Variants in RBFOX1 observed in about 807,000 individuals in gnomAD.
RBFOX1 encodes the protein RNA binding protein fox-1 homolog 1.
Under a neutral mutation model 57.7 loss-of-function variants are expected in RBFOX1, and 8 were observed. The ratio of observed to expected loss-of-function variants is 0.14; its 90% CI spans 0.08 to 0.25. The LOEUF (loss-of-function observed/expected upper bound fraction) is 0.25, where lower values mean the gene tolerates loss of function less well. Among genes scored for constraint, RBFOX1 ranks in the 10% least tolerant of loss-of-function variants. The pLI is 1.00. For synonymous variants in RBFOX1, 326 were observed against 222.4 expected (o/e 1.47, Z -4.15); for missense variants, 611 against 548.5 (o/e 1.11, Z -1.14).
At chr16:7,474,444 A>G (rs1207814499) in intron 4 of RBFOX1, among the ~76,000 whole-genome samples, 3 of 151,984 alleles carry the variant, frequency 2.0e-5, no homozygotes, top group Admixed American at 6.5e-5. Flanking sequence ...TTTTACAATT[A>G]AGGATAACAT....
At chr16:6,280,959 GTGTGTGTGTATGTGTGTGTATATATA>G (rs1338526794) in intron 1 of RBFOX1, among the ~76,000 whole-genome samples, 61 of 149,856 alleles carry the variant, frequency 4.1e-4, no homozygotes, top group African/African-American at 1.5e-3. Context: ...ACATATGTGT[GTGTGTGTGTATGTGTGTGTATATATA>G]TGTGTGTGTG....
chr16:6,401,761 A>T (rs2093078278), intron 2 of RBFOX1, among the ~76,000 whole-genome samples: 1 of 152,156 alleles, frequency 6.6e-6, no homozygotes. Context: ...TGTTCATGGA[A>T]AACATTAAAT....
intron 2 of RBFOX1, among the ~76,000 whole-genome samples, chr16:6,634,382 C>T (rs1602139928): frequency 6.6e-6 from 1 of 151,946 alleles, no homozygotes. Context: ...GGGCAAAAAA[C>T]CAAACCTCCG....
chr16:5,893,741 G>C (rs1455636628), intron 4 of RBFOX1, among the ~76,000 whole-genome samples: 1 of 151,974 alleles, frequency 6.6e-6, no homozygotes. Context: ...AGGAAGCAGA[G>C]GTTGCAGTGA....
At chr16:6,944,204 G>A (rs190787287) in intron 3 of RBFOX1, among the ~76,000 whole-genome samples, 1 of 151,926 alleles carries the variant, frequency 6.6e-6, no homozygotes, top group African/African-American at 2.4e-5. Flanking sequence ...AGATCAGCCT[G>A]CCCAACACAG....
At position 6,035,750 on chromosome 16, in the gene RBFOX1, T is replaced by C. The variant is rs1596554725; in HGVS notation, c.-127+15758T>C. On this transcript the variant is annotated intron_variant, in intron 1 of 15. Coordinates refer to ENST00000550418, the MANE Select transcript of RBFOX1 (RefSeq NM_018723.4). Reference sequence around the variant, plus strand: ...TCTCTAGGCATAGACTGTCAACCAATTGGAATTACTATGTGAAATGAAATG... The same window carrying C: ...TCTCTAGGCATAGACTGTCAACCAACTGGAATTACTATGTGAAATGAAATG... 1.3e-5 allele frequency among the ~76,000 whole-genome samples: 2 copies of C among 152,152 alleles called. 1 individual carries two copies. The highest frequency in any genetic ancestry group is 4.2e-4 in the South Asian group (2 of 4,818).
intron 2 of RBFOX1, among the ~76,000 whole-genome samples, chr16:6,494,247 G>T (rs1400272638): frequency 6.6e-6 from 1 of 152,118 alleles, no homozygotes; most frequent in Non-Finnish European, 1.5e-5. Flanking sequence ...GCACGTATTT[G>T]TGTGTATATA....
chr16:5,604,674 G>A (rs979740524), downstream of RBFOX1, among the ~76,000 whole-genome samples: 1 of 152,174 alleles, frequency 6.6e-6, no homozygotes, highest in African/African-American at 2.4e-5. Context: ...CCGCACTGAG[G>A]TCTGTCCATG....
At chr16:6,804,650 C>G (rs1382532686) in intron 3 of RBFOX1, among the ~76,000 whole-genome samples, 1 of 152,156 alleles carries the variant, frequency 6.6e-6, no homozygotes, top group Non-Finnish European at 1.5e-5. Context: ...TGAGAATGAA[C>G]TATTCATTAG....
chr16:7,345,753 A>G (rs552261093), intron 4 of RBFOX1, among the ~76,000 whole-genome samples: 1 of 152,328 alleles, frequency 6.6e-6, no homozygotes, highest in South Asian at 2.1e-4. Flanking sequence ...TTATCTGTCC[A>G]AACAGTTGTG....
chr16:7,681,047 C>G (rs879883549), intron 14 of RBFOX1, among the ~76,000 whole-genome samples: 1 of 152,132 alleles, frequency 6.6e-6, no homozygotes, highest in African/African-American at 2.4e-5. Context: ...TTAAATATGA[C>G]ATTCATAACC....
At chr16:5,979,172 G>A (rs1209391885) in intron 4 of RBFOX1, among the ~76,000 whole-genome samples, 1 of 152,180 alleles carries the variant, frequency 6.6e-6, no homozygotes, top group Non-Finnish European at 1.5e-5. Flanking sequence ...TGTCTGAGGT[G>A]AGCTCCAAGG....
chr16:5,607,990 T>C (rs1398376770), intron 3 of RBFOX1, among the ~76,000 whole-genome samples: 1 of 152,184 alleles, frequency 6.6e-6, no homozygotes, highest in African/African-American at 2.4e-5. Context: ...ACCTGTTGTT[T>C]GGTGGACGCA....
chr16:7,493,418 A>G (rs978506702), intron 4 of RBFOX1, among the ~76,000 whole-genome samples: 13 of 152,202 alleles, frequency 8.5e-5, no homozygotes, highest in African/African-American at 3.1e-4. Context: ...CATCATAATC[A>G]CTGGAACCTG....
chr16:5,785,723 C>T (rs189758494), intron 3 of RBFOX1, among the ~76,000 whole-genome samples: 1 of 152,084 alleles, frequency 6.6e-6, no homozygotes, highest in African/African-American at 2.4e-5. Flanking sequence ...GACAGGGTTT[C>T]TCCATGTTGT....
At chr16:6,672,450 A>G (rs1411864961) in intron 3 of RBFOX1, among the ~76,000 whole-genome samples, 5 of 151,582 alleles carry the variant, frequency 3.3e-5, no homozygotes, top group Non-Finnish European at 1.5e-5. Flanking sequence ...AAGAGAAAAG[A>G]AAGGAAAGGA....
chr16:6,866,680 T>G (rs1037962966), intron 3 of RBFOX1, among the ~76,000 whole-genome samples: 2 of 151,566 alleles, frequency 1.3e-5, no homozygotes, highest in Non-Finnish European at 2.9e-5. Flanking sequence ...TAGCTGGGAC[T>G]ACAGGCGCCT....
intron 3 of RBFOX1, among the ~76,000 whole-genome samples, chr16:6,885,234 T>A (rs11077099): frequency 0.011 from 1,638 of 152,286 alleles, 27 homozygotes; most frequent in African/African-American, 0.038. Flanking sequence ...TTTTCAGATG[T>A]GGTCTCCAGT....
chr16:5,727,138 G>C (rs1398227204), intron 3 of RBFOX1, among the ~76,000 whole-genome samples: 1 of 152,090 alleles, frequency 6.6e-6, no homozygotes, highest in Non-Finnish European at 1.5e-5. Flanking sequence ...GTTCTTTCAT[G>C]TGCCTGTAAT....
Sources: gnomAD v4.1 joint callset for allele counts (sites outside exome capture counted in the v4.1 genomes callset) on GRCh38, gnomAD v4.1.1 for gene constraint, MANE v1.5 for transcripts, NCBI Gene and HGNC (gene_info 2026-07-23, HGNC 2026-07-21) for gene names.